CLSTN1: variants seen among roughly 807,000 people sequenced by gnomAD.
The protein encoded by CLSTN1 is calsyntenin-1.
In CLSTN1, 28 loss-of-function variants were observed where a neutral mutation model predicts 108.3. The ratio of observed to expected loss-of-function variants is 0.26; its 90% CI spans 0.19 to 0.35. CLSTN1 has a LOEUF of 0.35. Among genes scored for constraint, CLSTN1 ranks in the 10% least tolerant of loss-of-function variants. The pLI is 1.00. For missense variants in CLSTN1, 1,157 were observed against 1,302.6 expected, an observed-to-expected ratio of 0.89 and a Z score of 1.72; for synonymous variants, 524 against 534.9, an observed-to-expected ratio of 0.98 and a Z score of 0.28.
intron 2 of CLSTN1, among the ~76,000 whole-genome samples, chr1:9,766,260 G>A (rs1371466468): frequency 6.6e-6 from 1 of 152,130 alleles, no homozygotes; most frequent in Admixed American, 6.6e-5. Context: ...ACAAGAAGAG[G>A]AGGCACGGCT....
chr1:9,818,933 C>T (rs549778856), intron 1 of CLSTN1, among the ~76,000 whole-genome samples: 13 of 148,952 alleles, frequency 8.7e-5, no homozygotes, highest in South Asian at 2.2e-4. Context: ...ACTACAGGCA[C>T]CTGCCACCAC....
At chr1:9,790,491 G>T in intron 1 of CLSTN1, among the ~76,000 whole-genome samples, 1 of 151,352 alleles carries the variant, frequency 6.6e-6, no homozygotes, top group East Asian at 2.0e-4. Context: ...TACGGTCATG[G>T]TGTATCATTC....
intron 2 of CLSTN1, among the ~76,000 whole-genome samples, chr1:9,769,035 G>C (rs143983610): frequency 4.4e-5 from 6 of 136,496 alleles, no homozygotes; most frequent in Admixed American, 1.5e-4. Context: ...GAGAGAGGGA[G>C]AAAGGGGAAA....
At chr1:9,742,657 G>A (rs1438392533) in intron 9 of CLSTN1, among the ~76,000 whole-genome samples, 1 of 152,088 alleles carries the variant, frequency 6.6e-6, no homozygotes, top group Non-Finnish European at 1.5e-5. Flanking sequence ...TAGTTTCTGA[G>A]AAATAATCAC....
chr1:9,744,344 C>A, intron 8 of CLSTN1, 51 bp downstream of exon 8: 1 of 1,553,682 alleles, frequency 6.4e-7, no homozygotes, highest in Admixed American at 1.8e-5. Context: ...CGCTGGCACC[C>A]ACCCTACTGG....
intron 2 of CLSTN1, among the ~76,000 whole-genome samples, chr1:9,760,055 G>A (rs569941134): frequency 2.0e-5 from 3 of 152,104 alleles, no homozygotes; most frequent in East Asian, 1.9e-4. Flanking sequence ...ATAGGTAAGT[G>A]CAGATTTCCT....
chr1:9,750,129 T>C, intron 5 of CLSTN1: 1 of 503,466 alleles, frequency 2.0e-6, no homozygotes, highest in Non-Finnish European at 3.6e-6. Flanking sequence ...GAGACGGAGC[T>C]ACACAGCTCA....
intron 2 of CLSTN1, among the ~76,000 whole-genome samples, chr1:9,763,363 C>T (rs1283602543): frequency 6.6e-6 from 1 of 152,172 alleles, no homozygotes; most frequent in Non-Finnish European, 1.5e-5. Flanking sequence ...TTCTAGTGTG[C>T]CAAAAATGGT....
intron 5 of CLSTN1, 122 bp from the exon 6 acceptor site, chr1:9,750,035 C>T: frequency 1.3e-6 from 1 of 772,752 alleles, no homozygotes; most frequent in Non-Finnish European, 2.1e-6. Context: ...CAGAAATAAA[C>T]ATATGCTTGG....
intron 2 of CLSTN1, among the ~76,000 whole-genome samples, chr1:9,758,324 C>G (rs1651915676): frequency 6.7e-6 from 1 of 150,248 alleles, no homozygotes; most frequent in Non-Finnish European, 1.5e-5. Flanking sequence ...GCTTCTTTTT[C>G]TTTTTTTGAG....
intron 1 of CLSTN1, among the ~76,000 whole-genome samples, chr1:9,797,017 A>G (rs564389051): frequency 6.6e-6 from 1 of 152,298 alleles, no homozygotes; most frequent in South Asian, 2.1e-4. Context: ...GCATGGTTAA[A>G]CACTGGTGCG....
At chr1:9,745,044 G>A (rs1173821613) in intron 7 of CLSTN1, among the ~76,000 whole-genome samples, 1 of 152,050 alleles carries the variant, frequency 6.6e-6, no homozygotes, top group Non-Finnish European at 1.5e-5. Flanking sequence ...GAGCCACCAC[G>A]CTTGGCCCTT....
intron 1 of CLSTN1, among the ~76,000 whole-genome samples, chr1:9,806,236 G>C (rs191422419): frequency 1.3e-5 from 2 of 151,740 alleles, no homozygotes; most frequent in East Asian, 3.9e-4. Flanking sequence ...GGTGGAGGGG[G>C]GGAGGTTGCA....
In CLSTN1 at chr1:9,823,094, T is replaced by C. The variant is rs1239425359; in HGVS notation, c.91+549A>G. On this transcript the variant is annotated intron_variant, in intron 1 of 18. Transcript: ENST00000377298. This position sits in a 1 kb window ranked among gnomAD's most constrained non-coding sequence, Gnocchi z 6.3. ...GGCGGAAAGGGGCGAAGTCGTGGTGTCCGCGGTGCAGCAACACAGAATCGG... is the reference window on the plus strand; with the variant it reads ...GGCGGAAAGGGGCGAAGTCGTGGTGCCCGCGGTGCAGCAACACAGAATCGG... Among the ~76,000 whole-genome samples, 1 of 152,166 alleles carries C rather than the reference T, an allele frequency of 6.6e-6. No individual in the cohort carries two copies. The highest frequency in any genetic ancestry group is 1.5e-5 in the Non-Finnish European group (1 of 68,030).
At position 9,741,063 on chromosome 1, in the gene CLSTN1, C is replaced by T. The variant is rs76137973; in HGVS notation, c.1519+31G>A. ...TAGTAAAGAGGTACAACTTAATTCTCGAGTCGAGGGCGGGGGGTAATGACA... is the reference window on the plus strand; with the variant it reads ...TAGTAAAGAGGTACAACTTAATTCTTGAGTCGAGGGCGGGGGGTAATGACA... On this transcript the variant is annotated intron_variant, in intron 10 of 18. Coordinates refer to ENST00000377298, the MANE Select transcript of CLSTN1 (RefSeq NM_001009566.3). 5,489 of 1,601,720 alleles carry T rather than the reference C, an allele frequency of 3.4e-3. 107 individuals are homozygous for T. The East Asian group carries it at 0.047, about 14-fold the overall frequency.
intron 1 of CLSTN1, among the ~76,000 whole-genome samples, chr1:9,777,764 T>C (rs1326690906): frequency 6.6e-6 from 1 of 152,124 alleles, no homozygotes; most frequent in African/African-American, 2.4e-5. Flanking sequence ...CCTGCTGCCT[T>C]GCTCCCCTTA....
chr1:9,767,092 A>G (rs1367616203), intron 2 of CLSTN1, among the ~76,000 whole-genome samples: 2 of 152,208 alleles, frequency 1.3e-5, no homozygotes, highest in Non-Finnish European at 2.9e-5. Flanking sequence ...CCCTCTACAA[A>G]TATCTATGGA....
chr1:9,731,141 C>T (rs1386433670), intron 18 of CLSTN1, 65 bp downstream of exon 18: 1 of 1,590,802 alleles, frequency 6.3e-7, no homozygotes, highest in Admixed American at 1.7e-5. Flanking sequence ...CCGCGCCGTA[C>T]CGGCTTCTCG....
In CLSTN1 at chr1:9,734,122, C is replaced by T. The variant is rs774347924; in HGVS notation, c.2131G>A (p.Glu711Lys). 133 of 1,614,122 alleles carry T rather than the reference C, an allele frequency of 8.2e-5. No homozygotes were observed. Among genetic ancestry groups the T allele is most frequent in the Admixed American group, 1.3e-4 (8 of 60,014 alleles). ...DPTVQESLVS[E>K]EIVHDLDTCE... ...GTATCCAGGTCGTGCACGATCTCCT[C>T]GGACACCAGTGATTCTTGAACTGCA... Residue 711 changes from glutamate to lysine, a missense_variant, in exon 15 of 19, where the codon GAG becomes AAG. Transcript: ENST00000377298. This position sits in a 1 kb window ranked among gnomAD's most constrained non-coding sequence, Gnocchi z 4.8.
Sources: gnomAD v4.1 joint callset for allele counts (sites outside exome capture counted in the v4.1 genomes callset) on GRCh38, gnomAD v4.1.1 for gene constraint, Gnocchi (gnomAD v3.1) non-coding constraint, MANE v1.5 for transcripts, NCBI Gene and HGNC (gene_info 2026-07-23, HGNC 2026-07-21) for gene names.